Variants in PDE4D observed in about 807,000 individuals in gnomAD.
PDE4D encodes 3',5'-cyclic-AMP phosphodiesterase 4D.
A neutral mutation model predicts 87.4 loss-of-function variants in PDE4D; 24 were observed. The ratio of observed to expected loss-of-function variants is 0.27; its 90% CI spans 0.20 to 0.39. PDE4D has a LOEUF of 0.39. PDE4D is among the 10% of genes least tolerant of loss of function. The pLI is 1.00. For synonymous variants in PDE4D, 384 were observed against 383.2 expected (o/e 1.00, Z -0.02); for missense variants, 714 against 1,041.0 (o/e 0.69, Z 4.32).
intron 1 of PDE4D, among the ~76,000 whole-genome samples, chr5:59,822,787 T>C (rs1769850769): frequency 6.6e-6 from 1 of 152,168 alleles, no homozygotes; most frequent in Non-Finnish European, 1.5e-5. Context: ...TCATTGTCAA[T>C]TGACTGCTTG....
At chr5:60,432,930 CAA>C (rs1394554034) in intron 1 of PDE4D, among the ~76,000 whole-genome samples, 8 of 152,250 alleles carry the variant, frequency 5.3e-5, no homozygotes, top group African/African-American at 1.9e-4. Context: ...AAAATCAACT[CAA>C]GATGGATTAG....
Position 60,376,501 on chromosome 5 carries a change from C to G in PDE4D, c.-90+111441G>C. Among the ~76,000 whole-genome samples the G allele has an allele frequency of 1.3e-5, 2 of 152,206 alleles. 1 individual carries two copies. Among genetic ancestry groups the G allele is most frequent in the Non-Finnish European group, 2.9e-5 (2 of 68,038 alleles). ...TCTCCAGGCCTCCTAACGCATCCCA[C>G]ACTTCAATCTACTACAGAAGCCACA... On this transcript the variant is annotated intron_variant, in intron 1 of 16. Transcript: ENST00000502484.
intron 1 of PDE4D, among the ~76,000 whole-genome samples, chr5:60,205,987 A>G (rs1742475792): frequency 6.6e-6 from 1 of 152,234 alleles, no homozygotes; most frequent in African/African-American, 2.4e-5. Flanking sequence ...ACAGTATTCA[A>G]CTAATGTCAT....
rs538908357 is a variant in PDE4D, at chr5:59,308,290, G to A, written c.456-92322C>T. Among the ~76,000 whole-genome samples, 1,167 of 151,482 alleles carry A rather than the reference G, an allele frequency of 7.7e-3. 15 individuals are homozygous for A. The highest frequency in any genetic ancestry group is 0.025 in the African/African-American group (1,026 of 41,258). On this transcript the variant is annotated intron_variant, in intron 1 of 14. Coordinates refer to ENST00000340635, the MANE Select transcript of PDE4D (RefSeq NM_001104631.2). The stretch of plus-strand genomic sequence containing the variant: ...GACGAGTTAATGGGTGCAGCACACC[G>A]GCATGGCACATGTACCCTAAAACTT...
intron 1 of PDE4D, among the ~76,000 whole-genome samples, chr5:59,746,374 TG>T (rs1262543534): frequency 6.6e-6 from 1 of 152,132 alleles, no homozygotes; most frequent in Admixed American, 6.6e-5. Context: ...CTGGCCAGTC[TG>T]GTACCCACCA....
intron 1 of PDE4D, among the ~76,000 whole-genome samples, chr5:59,252,575 G>A (rs1760171686): frequency 1.3e-5 from 2 of 151,968 alleles, no homozygotes; most frequent in African/African-American, 4.8e-5. Context: ...AGGCTGGAGT[G>A]TAGTGGCACA....
intron 2 of PDE4D, among the ~76,000 whole-genome samples, chr5:60,115,815 A>G (rs1262781015): frequency 6.6e-6 from 1 of 152,124 alleles, no homozygotes; most frequent in African/African-American, 2.4e-5. Context: ...TGCTTTTAAA[A>G]AAGAATATGT....
chr5:59,504,164 C>T (rs1446349290), intron 1 of PDE4D, among the ~76,000 whole-genome samples: 1 of 152,092 alleles, frequency 6.6e-6, no homozygotes, highest in Non-Finnish European at 1.5e-5. Context: ...AACACTTGGC[C>T]TATGAGAGAT....
chr5:60,296,386 A>G (rs915077383), intron 1 of PDE4D, among the ~76,000 whole-genome samples: 7 of 152,134 alleles, frequency 4.6e-5, no homozygotes, highest in African/African-American at 1.4e-4. Context: ...TTCCTGCACA[A>G]TTAGAGAAAA....
At chr5:59,176,555 C>T (rs1459415312) in intron 5 of PDE4D, among the ~76,000 whole-genome samples, 1 of 126,048 alleles carries the variant, frequency 7.9e-6, no homozygotes, top group Non-Finnish European at 1.7e-5. Context: ...AACTCTATCT[C>T]AAGAAAAAAA....
At chr5:60,430,993 T>G (rs1164317673) in intron 1 of PDE4D, 1 of 271,280 alleles carries the variant, frequency 3.7e-6, no homozygotes, top group Non-Finnish European at 7.3e-6. Context: ...TTCCCCACCT[T>G]TCCCCCCTTT....
Position 60,399,453 on chromosome 5 carries a change from C to T in PDE4D, c.-90+88489G>A, listed in dbSNP as rs542235739. ...ACCCTTCCTATATTTGATGAATTTC[C>T]TGCCATGTGAATCTTAGTGGGAAAC... On this transcript the variant is annotated intron_variant, in intron 1 of 16. Transcript: ENST00000502484. 1.3e-4 allele frequency among the ~76,000 whole-genome samples: 20 copies of T among 152,326 alleles called. 1 individual carries two copies. The South Asian group carries it at 4.1e-3, about 32-fold the overall frequency.
chr5:60,458,802 C>T (rs147955992), intron 1 of PDE4D, among the ~76,000 whole-genome samples: 1 of 151,988 alleles, frequency 6.6e-6, no homozygotes, highest in African/African-American at 2.4e-5. Flanking sequence ...TGCACCTCCT[C>T]AATATGCCAC....
intron 1 of PDE4D, among the ~76,000 whole-genome samples, chr5:59,572,566 C>T (rs1822038531): frequency 1.3e-5 from 2 of 152,076 alleles, no homozygotes; most frequent in African/African-American, 2.4e-5. Flanking sequence ...CTGCAAGCTC[C>T]GCCTCCCGGG....
chr5:59,079,976 T>C (rs1271532519), intron 5 of PDE4D, among the ~76,000 whole-genome samples: 2 of 151,622 alleles, frequency 1.3e-5, no homozygotes, highest in South Asian at 2.1e-4. Context: ...TGAGCCAACA[T>C]AGGCTATGGC....
intron 1 of PDE4D, among the ~76,000 whole-genome samples, chr5:59,881,061 A>C (rs938285728): frequency 1.9e-4 from 29 of 152,174 alleles, no homozygotes; most frequent in Non-Finnish European, 4.4e-5. Flanking sequence ...ATGATGATAC[A>C]TACTCTTCTT....
chr5:60,158,201 T>C (rs894517993), intron 2 of PDE4D, among the ~76,000 whole-genome samples: 6 of 152,112 alleles, frequency 3.9e-5, no homozygotes, highest in African/African-American at 7.2e-5. Context: ...CATCACAGAG[T>C]ATACCTACAC....
At chr5:59,946,819 T>G (rs972513436) in intron 3 of PDE4D, among the ~76,000 whole-genome samples, 16 of 152,194 alleles carry the variant, frequency 1.1e-4, no homozygotes, top group Non-Finnish European at 2.1e-4. Context: ...ATGATACCCA[T>G]CCTGAAGGGC....
intron 1 of PDE4D, chr5:60,459,799 G>T (rs1746781116): frequency 1.9e-6 from 1 of 520,838 alleles, no homozygotes; most frequent in Admixed American, 3.3e-5. Context: ...TGCTCCCAGG[G>T]ACTGGAGAAA....
Sources: allele counts gnomAD v4.1 joint callset (sites outside exome capture counted in the v4.1 genomes callset), GRCh38; gene constraint gnomAD v4.1.1; transcripts MANE v1.5; gene names NCBI Gene and HGNC (gene_info 2026-07-23, HGNC 2026-07-21).